The following ZNF410 variants were observed in gnomAD, a reference collection of about 807,000 sequenced individuals.
ZNF410 encodes the protein another partner for ARF 1.
In ZNF410, 18 loss-of-function variants were observed where a neutral mutation model predicts 54.8. That is an observed-to-expected ratio of 0.33 (90% confidence interval 0.23 to 0.49). The LOEUF (loss-of-function observed/expected upper bound fraction) is 0.49, where lower values mean the gene tolerates loss of function less well. ZNF410 is among the 20% of genes least tolerant of loss of function. The pLI, the probability that ZNF410 is intolerant of heterozygous loss-of-function variation, is 0.99. For missense variants in ZNF410, 405 were observed against 569.6 expected (o/e 0.71, Z 2.94); for synonymous variants, 191 against 207.3 (o/e 0.92, Z 0.68).
rs919577084 is a variant in ZNF410, at chr14:73,932,493, A to G, written c.*952A>G. ...AAAAGACGCATCTGAGAAAATGGCAATAAAAACAGATACTTCTGAATTTTT... is the reference window on the plus strand; with the variant it reads ...AAAAGACGCATCTGAGAAAATGGCAGTAAAAACAGATACTTCTGAATTTTT... On this transcript the variant is annotated 3_prime_UTR_variant, in exon 12 of 12. Coordinates refer to ENST00000555044, the MANE Select transcript of ZNF410 (RefSeq NM_021188.3). 4.4e-6 allele frequency: 2 copies of G among 452,810 alleles called. No individual in the cohort carries two copies. The highest frequency in any genetic ancestry group is 8.8e-6 in the Non-Finnish European group (2 of 226,130). The allele number at this position is 452,810 out of a possible 1,614,324, so 28.0% of individuals were successfully genotyped here.
At chr14:73,923,038 T>C (rs1225144148) in intron 10 of ZNF410, among the ~76,000 whole-genome samples, 1 of 152,204 alleles carries the variant, frequency 6.6e-6, no homozygotes, top group Non-Finnish European at 1.5e-5. Context: ...TCATATCATA[T>C]TCAGTTAGTA....
chr14:73,902,921 G>A lies in ZNF410; in HGVS notation c.581-1039G>A, dbSNP rs138029231. 3.4e-3 allele frequency among the ~76,000 whole-genome samples: 511 copies of A among 152,172 alleles called. 1 individual carries two copies. The highest frequency in any genetic ancestry group is 0.011 in the African/African-American group (466 of 41,508). On this transcript the variant is annotated intron_variant, in intron 5 of 11. Coordinates refer to ENST00000555044, the MANE Select transcript of ZNF410 (RefSeq NM_021188.3). ...ATTTTCTCTTACTTTTTAAAATGTG[G>A]TTAGAAATTTAAAAATCATCTGAGT...
intron 5 of ZNF410, among the ~76,000 whole-genome samples, chr14:73,901,520 C>T (rs1002957276): frequency 6.6e-6 from 1 of 151,638 alleles, no homozygotes; most frequent in Non-Finnish European, 1.5e-5. Context: ...ATTTCTTAGC[C>T]TTGCCTTATT....
intron 8 of ZNF410, chr14:73,916,349 T>C (rs1360645473): frequency 2.0e-5 from 3 of 152,218 alleles, no homozygotes; most frequent in African/African-American, 4.8e-5. Flanking sequence ...GTCTTGTTAA[T>C]GTTTGCATAT....
chr14:73,930,962 A>G (rs1194406854), intron 11 of ZNF410, among the ~76,000 whole-genome samples: 1 of 152,186 alleles, frequency 6.6e-6, no homozygotes, highest in Non-Finnish European at 1.5e-5. Flanking sequence ...CTTTGAATAG[A>G]GCCTTGTGTA....
At chr14:73,890,632 A>G (rs909142439) in intron 1 of ZNF410, among the ~76,000 whole-genome samples, 4 of 152,234 alleles carry the variant, frequency 2.6e-5, no homozygotes, top group African/African-American at 9.6e-5. Context: ...TAGTGCTCCC[A>G]ATTTTAGTAA....
intron 3 of ZNF410, chr14:73,894,350 C>T (rs1390676221): frequency 1.4e-6 from 1 of 701,966 alleles, no homozygotes; most frequent in Non-Finnish European, 2.6e-6. Context: ...CCATTATTGA[C>T]TTTGGCAGAA....
intron 8 of ZNF410, chr14:73,913,617 C>G (rs2055619183): frequency 6.6e-6 from 1 of 152,214 alleles, no homozygotes; most frequent in Admixed American, 6.5e-5. Flanking sequence ...TGTAAGTCCG[C>G]TTACAAAAAC....
chr14:73,930,440 G>A (rs2055894891), intron 11 of ZNF410, among the ~76,000 whole-genome samples: 6 of 149,548 alleles, frequency 4.0e-5, no homozygotes, highest in Admixed American at 4.0e-4. Flanking sequence ...TGGGGTTATA[G>A]GCATGAGCCA....
intron 8 of ZNF410, among the ~76,000 whole-genome samples, chr14:73,911,351 A>G (rs2055575274): frequency 6.6e-6 from 1 of 152,182 alleles, no homozygotes. Flanking sequence ...AGAACATGAC[A>G]AGTGGAGAGG....
At position 73,931,828 on chromosome 14, in the gene ZNF410, T is replaced by C. The variant is rs1411940684; in HGVS notation, c.*287T>C. The C allele has an allele frequency of 8.9e-6, 4 of 451,658 alleles. No homozygotes were observed. Among genetic ancestry groups the C allele is most frequent in the African/African-American group, 4.0e-5 (2 of 49,758 alleles). The allele number at this position is 451,658 out of a possible 1,614,324, so 28.0% of individuals were successfully genotyped here. On this transcript the variant is annotated 3_prime_UTR_variant, in exon 12 of 12. Transcript: ENST00000555044. ...GGGATAGACCAAAAGTGAATTTGAT[T>C]ATGTGTTGGCTGAAGTTCTTCATTC...
At chr14:73,911,151 C>G (rs533838005) in intron 8 of ZNF410, among the ~76,000 whole-genome samples, 35 of 152,176 alleles carry the variant, frequency 2.3e-4, no homozygotes, top group African/African-American at 8.4e-4. Context: ...TTTAGTAGAC[C>G]TGTTCAGATT....
chr14:73,915,840 T>C (rs2055658483), intron 8 of ZNF410: 1 of 152,214 alleles, frequency 6.6e-6, no homozygotes, highest in South Asian at 2.1e-4. Context: ...TAGTTGGTTT[T>C]TGGATGTAAA....
Position 73,904,152 on chromosome 14 carries a change from C to A in ZNF410, c.731+42C>A, listed in dbSNP as rs181334427. 2.5e-6 allele frequency: 4 copies of A among 1,578,004 alleles called. No homozygotes were observed. The East Asian group carries it at 6.8e-5, about 27-fold the overall frequency. ...TCTCATATTTGGATATACGTTGATG[C>A]AAAAGTTGATTCTTCCAGAGGAACT... On this transcript the variant is annotated intron_variant, in intron 6 of 11. Coordinates refer to ENST00000555044, the MANE Select transcript of ZNF410 (RefSeq NM_021188.3).
intron 5 of ZNF410, 72 bp from the exon 6 acceptor site, chr14:73,903,888 A>C: frequency 6.4e-7 from 1 of 1,563,024 alleles, no homozygotes; most frequent in Non-Finnish European, 8.7e-7. Flanking sequence ...AAAATATAGG[A>C]GCTTTATTGT....
chr14:73,928,910 CT>C (rs1255448388), intron 11 of ZNF410, among the ~76,000 whole-genome samples: 4 of 152,148 alleles, frequency 2.6e-5, no homozygotes, highest in Non-Finnish European at 4.4e-5. Context: ...GATTGTCCCA[CT>C]GCACTCCAGC....
chr14:73,892,044 C>A lies in ZNF410; in HGVS notation c.-132C>A. 1 of 1,021,420 alleles carries A rather than the reference C, an allele frequency of 9.8e-7. No homozygotes were observed. The highest frequency in any genetic ancestry group is 1.6e-6 in the Non-Finnish European group (1 of 642,610). The allele number at this position is 1,021,420 out of a possible 1,614,324, so 63.3% of individuals were successfully genotyped here. A position where few individuals can be genotyped will look rare whatever the true frequency, so the allele number is the denominator to read the frequency against. On this transcript the variant is annotated 5_prime_UTR_variant, in exon 2 of 12. Coordinates refer to ENST00000555044, the MANE Select transcript of ZNF410 (RefSeq NM_021188.3). ...TATTCTAGGTTACATTGATTACCCA[C>A]CTAGTACAACATCTTACGGGAAGAG... is the stretch of plus-strand genomic sequence containing the variant.
chr14:73,895,313 T>C (rs1251164960), intron 3 of ZNF410: 5 of 152,200 alleles, frequency 3.3e-5, no homozygotes, highest in Non-Finnish European at 7.3e-5. Flanking sequence ...TGTACACTGT[T>C]GGTGGGAATG....
At chr14:73,899,613 C>T (rs565513136) in intron 5 of ZNF410, among the ~76,000 whole-genome samples, 1 of 152,232 alleles carries the variant, frequency 6.6e-6, no homozygotes, top group African/African-American at 2.4e-5. Flanking sequence ...TGAGAAGCAG[C>T]GTAGGGAGGG....
Sources: gnomAD v4.1 joint callset for allele counts (sites outside exome capture counted in the v4.1 genomes callset) on GRCh38, gnomAD v4.1.1 for gene constraint, MANE v1.5 for transcripts, NCBI Gene and HGNC (gene_info 2026-07-23, HGNC 2026-07-21) for gene names.